Variants in CAMK2D observed in about 807,000 individuals in gnomAD.
CAMK2D encodes the protein calcium/calmodulin dependent protein kinase II delta.
In CAMK2D, 37 loss-of-function variants were observed where a neutral mutation model predicts 84.0. That is an observed-to-expected ratio of 0.44 (90% CI 0.34 to 0.58). The LOEUF (loss-of-function observed/expected upper bound fraction) is 0.58. Ranked by LOEUF, CAMK2D falls within the 20% of genes least tolerant of loss-of-function variation. CAMK2D has a pLI of 0.02. For synonymous variants in CAMK2D, 202 were observed against 212.5 expected (o/e 0.95, Z 0.43); for missense variants, 448 against 652.5 (o/e 0.69, Z 3.41).
At chr4:113,752,871 C>T (rs2099620492) in intron 2 of CAMK2D, among the ~76,000 whole-genome samples, 1 of 152,102 alleles carries the variant, frequency 6.6e-6, no homozygotes, top group Admixed American at 6.5e-5. Flanking sequence ...CAGGTTGGAA[C>T]TCTAAATGTA....
chr4:113,513,518 G>T, intron 11 of CAMK2D, 148 bp from the exon 12 acceptor site: 1 of 675,336 alleles, frequency 1.5e-6, no homozygotes, highest in Non-Finnish European at 2.7e-6. Context: ...TTGGTTTCCT[G>T]AGAGTCAAAG....
intron 2 of CAMK2D, among the ~76,000 whole-genome samples, chr4:113,670,526 T>C (rs2099276543): frequency 6.6e-6 from 1 of 151,986 alleles, no homozygotes; most frequent in Non-Finnish European, 1.5e-5. Context: ...ATGAGATAAA[T>C]TTTGTATAAT....
chr4:113,668,724 A>G (rs2099267484), intron 2 of CAMK2D, among the ~76,000 whole-genome samples: 1 of 152,190 alleles, frequency 6.6e-6, no homozygotes, highest in Admixed American at 6.5e-5. Context: ...AATACAGTAA[A>G]ATACGGACAA....
chr4:113,580,778 C>T (rs551563627), intron 4 of CAMK2D, among the ~76,000 whole-genome samples: 1 of 152,136 alleles, frequency 6.6e-6, no homozygotes, highest in African/African-American at 2.4e-5. Context: ...ATTCAGGGCT[C>T]TGAGTGCAAT....
chr4:113,583,235 T>C (rs2154243875), intron 4 of CAMK2D, among the ~76,000 whole-genome samples: 1 of 78,304 alleles, frequency 1.3e-5, no homozygotes, highest in African/African-American at 4.6e-5. Flanking sequence ...ATACCCTTCA[T>C]AGGGCACAAA....
intron 2 of CAMK2D, among the ~76,000 whole-genome samples, chr4:113,722,207 A>T (rs1295655944): frequency 1.3e-5 from 2 of 152,160 alleles, no homozygotes; most frequent in African/African-American, 2.4e-5. Flanking sequence ...CCTAAACCAA[A>T]ACAACTAAAA....
chr4:113,546,170 C>G (rs1261183516), intron 6 of CAMK2D, among the ~76,000 whole-genome samples: 1 of 151,962 alleles, frequency 6.6e-6, no homozygotes, highest in African/African-American at 2.4e-5. Context: ...ATAGAAGTGT[C>G]TGAAAAAAAA....
At chr4:113,730,014 A>G (rs2099559689) in intron 2 of CAMK2D, among the ~76,000 whole-genome samples, 1 of 152,194 alleles carries the variant, frequency 6.6e-6, no homozygotes, top group Admixed American at 6.5e-5. Flanking sequence ...AGACTAAGAC[A>G]CACGTATTAA....
chr4:113,573,753 G>GAAGGCTTCCTCCTTGAAGATCA, intron 4 of CAMK2D, among the ~76,000 whole-genome samples: 1 of 152,130 alleles, frequency 6.6e-6, no homozygotes, highest in East Asian at 1.9e-4. Context: ...CTAAAAGAAA[G>GAAGGCTTCCTCCTTGAAGATCA]AAGGCTTCCT....
intron 6 of CAMK2D, among the ~76,000 whole-genome samples, chr4:113,544,109 T>G (rs1461867573): frequency 1.3e-5 from 2 of 152,190 alleles, no homozygotes; most frequent in African/African-American, 2.4e-5. Flanking sequence ...CATTTTATTC[T>G]TCTTTGTCTC....
At chr4:113,688,231 A>C (rs1220975099) in intron 2 of CAMK2D, among the ~76,000 whole-genome samples, 1 of 152,162 alleles carries the variant, frequency 6.6e-6, no homozygotes, top group African/African-American at 2.4e-5. Flanking sequence ...GTATCTGCCA[A>C]ACGTGTGTCC....
At chr4:113,603,907 C>A (rs1465886666) in intron 4 of CAMK2D, among the ~76,000 whole-genome samples, 1 of 146,770 alleles carries the variant, frequency 6.8e-6, no homozygotes, top group Non-Finnish European at 1.5e-5. Context: ...CCAGCCTGGG[C>A]AACATAGCAA....
chr4:113,683,863 T>C (rs965651583), intron 2 of CAMK2D, among the ~76,000 whole-genome samples: 1 of 152,234 alleles, frequency 6.6e-6, no homozygotes, highest in African/African-American at 2.4e-5. Context: ...CCAGATTCTG[T>C]GTGCAACACA....
intron 4 of CAMK2D, 107 bp from the exon 5 acceptor site, chr4:113,552,203 A>G: frequency 1.7e-6 from 1 of 599,620 alleles, no homozygotes; most frequent in Non-Finnish European, 3.0e-6. Flanking sequence ...ATGATTTAAA[A>G]AAAATCAAAA....
intron 8 of CAMK2D, among the ~76,000 whole-genome samples, chr4:113,523,473 C>G (rs2098387625): frequency 6.6e-6 from 1 of 151,976 alleles, no homozygotes; most frequent in Non-Finnish European, 1.5e-5. Flanking sequence ...AGGTCCCGCA[C>G]AGTGACTTTA....
At chr4:113,660,359 C>T (rs1001723435) in intron 3 of CAMK2D, among the ~76,000 whole-genome samples, 1 of 152,052 alleles carries the variant, frequency 6.6e-6, no homozygotes, top group South Asian at 2.1e-4. Flanking sequence ...ATTCTAAAGT[C>T]CTTTTACTAT....
At chr4:113,503,183 C>A in intron 14 of CAMK2D, 2 of 726,622 alleles carry the variant, frequency 2.8e-6, no homozygotes, top group Non-Finnish European at 5.0e-6. Context: ...ACCTCCCTAC[C>A]CAGAAGCAGC....
chr4:113,542,218 A>G (rs992500806), intron 6 of CAMK2D, among the ~76,000 whole-genome samples: 1 of 152,228 alleles, frequency 6.6e-6, no homozygotes, highest in African/African-American at 2.4e-5. Context: ...GGCACTCAAC[A>G]AAGAAATACT....
At chr4:113,512,576 C>CT (rs984104164) in intron 12 of CAMK2D, among the ~76,000 whole-genome samples, 37 of 151,814 alleles carry the variant, frequency 2.4e-4, no homozygotes, top group African/African-American at 7.7e-4. Flanking sequence ...ATGGTCTTCC[C>CT]TTTTTTTTGT....
Sources: gnomAD v4.1 joint callset for allele counts (sites outside exome capture counted in the v4.1 genomes callset) on GRCh38, gnomAD v4.1.1 for gene constraint, MANE v1.5 for transcripts, NCBI Gene and HGNC (gene_info 2026-07-23, HGNC 2026-07-21) for gene names.